ADAM11: variants seen among roughly 807,000 people sequenced by gnomAD.
ADAM11 encodes ADAM metallopeptidase domain 11.
Under a neutral mutation model 119.1 loss-of-function variants are expected in ADAM11, and 49 were observed. The ratio of observed to expected loss-of-function variants is 0.41; its 90% CI spans 0.33 to 0.52. The LOEUF (loss-of-function observed/expected upper bound fraction) is 0.52, where lower values mean the gene tolerates loss of function less well. Among genes scored for constraint, ADAM11 ranks in the 20% least tolerant of loss-of-function variants. The pLI, the probability that ADAM11 is intolerant of heterozygous loss-of-function variation, is 0.20. For missense variants in ADAM11, 777 were observed against 1,047.5 expected, an observed-to-expected ratio of 0.74 and a Z score of 3.56; for synonymous variants, 364 against 408.0, an observed-to-expected ratio of 0.89 and a Z score of 1.30.
chr17:44,762,855 A>T (rs760608761), intron 2 of ADAM11, among the ~76,000 whole-genome samples: 61 of 152,048 alleles, frequency 4.0e-4, no homozygotes, highest in Non-Finnish European at 3.1e-4. Context: ...AAGGAATTAG[A>T]AGCTGGAGAA....
intron 2 of ADAM11, among the ~76,000 whole-genome samples, chr17:44,766,447 G>C (rs1284822588): frequency 3.9e-5 from 6 of 152,198 alleles, no homozygotes; most frequent in Admixed American, 3.9e-4. Context: ...GGTACAGAGA[G>C]GACAAGGCAC....
chr17:44,778,713 A>AAAAAAAAAAAAAAAG lies in ADAM11; in HGVS notation c.2276+471_2276+472insAAAAAAAAAAAAAAG, dbSNP rs71136047. Among the ~76,000 whole-genome samples the AAAAAAAAAAAAAAAG allele has an allele frequency of 9.0e-3, 726 of 80,238 alleles. 93 individuals are homozygous for AAAAAAAAAAAAAAAG. The highest frequency in any genetic ancestry group is 0.011 in the Non-Finnish European group (519 of 45,424). The allele number at this position is 80,238 out of a possible 152,430, so 52.6% of individuals were successfully genotyped here. A position where few individuals can be genotyped will look rare whatever the true frequency, so the allele number is the denominator to read the frequency against. On this transcript the variant is annotated intron_variant, in intron 25 of 26. Transcript: ENST00000200557. ...CAAAAAAAAAAAAAAAAAAAAAAAAAGAAAGAAAGAGAGAAAGAAAAGAAA... is the reference window on the plus strand; with the variant it reads ...CAAAAAAAAAAAAAAAAAAAAAAAAAAAAAAAAAAAAAAAGGAAAGAAAGAGAGAAAGAAAAGAAA...
rs752441017 is a variant in ADAM11, at chr17:44,759,269, C to A, written c.61+9C>A. 1.4e-6 allele frequency: 2 copies of A among 1,391,380 alleles called. No homozygotes were observed. The highest frequency in any genetic ancestry group is 1.5e-5 in the South Asian group (1 of 65,456). The allele number at this position is 1,391,380 out of a possible 1,614,324, so 86.2% of individuals were successfully genotyped here. On this transcript the variant is annotated intron_variant, in intron 1 of 26. Coordinates refer to ENST00000200557, the MANE Select transcript of ADAM11 (RefSeq NM_002390.6). ...GCTGCTCCCCACGCCCGGTGAGTGA[C>A]CCCCGCCCGGCCCCGGCGCCCCCTC...
chr17:44,772,105 C>T lies in ADAM11; in HGVS notation c.544-162C>T, dbSNP rs1169646167. On this transcript the variant is annotated intron_variant, in intron 6 of 26. Transcript: ENST00000200557. This position sits in a 1 kb window ranked among gnomAD's most constrained non-coding sequence, Gnocchi z 4.5. Reference sequence around the variant, plus strand: ...CTCAGGGTGCCCCCAGGTCTTGACCCCGGAATCTGAGCATCTGGGAGATCA... The same window carrying T: ...CTCAGGGTGCCCCCAGGTCTTGACCTCGGAATCTGAGCATCTGGGAGATCA... 1.3e-5 allele frequency among the ~76,000 whole-genome samples: 2 copies of T among 152,168 alleles called. No homozygotes were observed. Among genetic ancestry groups the T allele is most frequent in the South Asian group, 2.1e-4 (1 of 4,834 alleles).
In ADAM11 at chr17:44,759,125, C is replaced by T; in HGVS notation, c.-75C>T. On this transcript the variant is annotated 5_prime_UTR_variant, in exon 1 of 27. Coordinates refer to ENST00000200557, the MANE Select transcript of ADAM11 (RefSeq NM_002390.6). ...CCCGGCTCCGCAGCTGGCGCCTCCCCACCCCCGTCCCTGCTCCCGCCCTCC... is the reference window on the plus strand; with the variant it reads ...CCCGGCTCCGCAGCTGGCGCCTCCCTACCCCCGTCCCTGCTCCCGCCCTCC... The T allele has an allele frequency of 1.1e-6, 1 of 889,120 alleles. No individual in the cohort carries two copies. Among genetic ancestry groups the T allele is most frequent in the Non-Finnish European group, 1.4e-6 (1 of 695,120 alleles). 55.1% of individuals were successfully genotyped at this position (889,120 alleles called of 1,614,324 possible). A position where few individuals can be genotyped will look rare whatever the true frequency, so the allele number is the denominator to read the frequency against.
rs765133185 is a variant in ADAM11 at position 44,773,747 on chromosome 17, C to A, written c.992+320C>A. 6.6e-6 allele frequency among the ~76,000 whole-genome samples: 1 copy of A among 152,202 alleles called. No individual in the cohort carries two copies. The highest frequency in any genetic ancestry group is 1.5e-5 in the Non-Finnish European group (1 of 68,040). ...TAGGGAAAAAAATCTAATAAAAGGG[C>A]CTTGCAACTAGAGATGGTCTACTGG... is the stretch of plus-strand genomic sequence containing the variant. On this transcript the variant is annotated intron_variant, in intron 11 of 26. Transcript: ENST00000200557. This position sits in a 1 kb window ranked among gnomAD's most constrained non-coding sequence, Gnocchi z 4.6.
intron 2 of ADAM11, among the ~76,000 whole-genome samples, chr17:44,765,988 A>C (rs1003089526): frequency 4.6e-5 from 7 of 152,164 alleles, no homozygotes; most frequent in Non-Finnish European, 1.0e-4. Context: ...CTTGCGATAC[A>C]TTTCCATTCA....
At chr17:44,765,346 A>G (rs1213966256) in intron 2 of ADAM11, among the ~76,000 whole-genome samples, 1 of 151,938 alleles carries the variant, frequency 6.6e-6, no homozygotes, top group East Asian at 1.9e-4. Flanking sequence ...GCGGGAGGGG[A>G]TTCCAGAAAG....
chr17:44,780,184 A>G lies in ADAM11; in HGVS notation c.*430A>G, dbSNP rs764210173. ...ACCTAGGGGGACGGGGCTGACATCT[A>G]CATTTTTTAAAACTGAATCTTAATC... On this transcript the variant is annotated 3_prime_UTR_variant, in exon 27 of 27. Coordinates refer to ENST00000200557, the MANE Select transcript of ADAM11 (RefSeq NM_002390.6). 4.0e-6 allele frequency: 2 copies of G among 498,376 alleles called. No individual in the cohort carries two copies. Among genetic ancestry groups the G allele is most frequent in the Non-Finnish European group, 7.7e-6 (2 of 259,884 alleles). 30.9% of individuals were successfully genotyped at this position (498,376 alleles called of 1,614,324 possible). A position where few individuals can be genotyped will look rare whatever the true frequency, so the allele number is the denominator to read the frequency against.
rs563815525 is a variant in ADAM11 at position 44,771,332 on chromosome 17, G to C, written c.382-252G>C. Among the ~76,000 whole-genome samples the C allele has an allele frequency of 9.8e-4, 148 of 150,564 alleles. 1 individual carries two copies. The highest frequency in any genetic ancestry group is 1.7e-3 in the Non-Finnish European group (113 of 67,822). On this transcript the variant is annotated intron_variant, in intron 4 of 26. Coordinates refer to ENST00000200557, the MANE Select transcript of ADAM11 (RefSeq NM_002390.6). Reference sequence around the variant, plus strand: ...AAAAAAAAACCATTGCTACAGTCCAGCTTCCTCATTTTATAGATGACGTGA... The same window carrying C: ...AAAAAAAAACCATTGCTACAGTCCACCTTCCTCATTTTATAGATGACGTGA...
In ADAM11 at chr17:44,759,259, C is replaced by T; in HGVS notation, c.60C>T (p.Pro20=). Residue 20 remains proline, a splice_region_variant and synonymous_variant, in exon 1 of 27, where the codon CCC becomes CCT. Coordinates refer to ENST00000200557, the MANE Select transcript of ADAM11 (RefSeq NM_002390.6). ...AALLLSLLPT[P]GLGTQGPAGA... ...TGCTGCTGTCGCTGCTCCCCACGCC[C>T]GGTGAGTGACCCCCGCCCGGCCCCG... 7.0e-7 allele frequency: 1 copy of T among 1,426,082 alleles called. No homozygotes were observed. The highest frequency in any genetic ancestry group is 9.2e-7 in the Non-Finnish European group (1 of 1,090,330). The allele number at this position is 1,426,082 out of a possible 1,614,324, so 88.3% of individuals were successfully genotyped here.
At chr17:44,761,860 T>C (rs2049393352) in intron 2 of ADAM11, among the ~76,000 whole-genome samples, 1 of 152,208 alleles carries the variant, frequency 6.6e-6, no homozygotes, top group African/African-American at 2.4e-5. Context: ...TTTGCTCTTG[T>C]TGCCCAGGCT....
chr17:44,765,240 TCTCCCAGCTGGGACATA>T (rs2049433420), intron 2 of ADAM11, among the ~76,000 whole-genome samples: 1 of 151,306 alleles, frequency 6.6e-6, no homozygotes. Flanking sequence ...GTGGGGGGTT[TCTCCCAGCTGGGACATA>T]CTCCCAGGTG....
chr17:44,769,849 G>C (rs932352902), intron 3 of ADAM11, 55 bp downstream of exon 3: 1 of 1,605,260 alleles, frequency 6.2e-7, no homozygotes, highest in African/African-American at 1.3e-5. Context: ...GGGGAGACAT[G>C]GCTAGGGCCT....
In ADAM11 at chr17:44,775,501, G is replaced by T. The variant is rs1236516009; in HGVS notation, c.1392+36G>T. On this transcript the variant is annotated intron_variant, in intron 16 of 26. Transcript: ENST00000200557. The surrounding 1 kb of genome is among the most constrained non-coding windows in gnomAD (Gnocchi z 7.5). ...GTGCGGGCGCCAGGTGGGGAACCGGGATGCGGGGGTGGGCACGAGGGAGCG... is the reference window on the plus strand; with the variant it reads ...GTGCGGGCGCCAGGTGGGGAACCGGTATGCGGGGGTGGGCACGAGGGAGCG... 6.3e-7 allele frequency: 1 copy of T among 1,591,810 alleles called. No homozygotes were observed. Among genetic ancestry groups the T allele is most frequent in the Non-Finnish European group, 8.5e-7 (1 of 1,172,560 alleles).
chr17:44,767,131 G>A (rs1460141267), intron 2 of ADAM11, among the ~76,000 whole-genome samples: 1 of 151,962 alleles, frequency 6.6e-6, no homozygotes, highest in Non-Finnish European at 1.5e-5. Context: ...TGCCAAGGGT[G>A]GATCACAAGG....
chr17:44,779,080 CTTACA>C, intron 25 of ADAM11, 137 bp from the exon 26 acceptor site: 1 of 1,066,126 alleles, frequency 9.4e-7, no homozygotes, highest in Non-Finnish European at 1.3e-6. Context: ...CTCCCTGGCC[CTTACA>C]TTAGTGTCCA....
At chr17:44,759,511 G>C (rs373300011) in intron 1 of ADAM11, 38 of 1,243,006 alleles carry the variant, frequency 3.1e-5, no homozygotes, top group African/African-American at 1.2e-4. Flanking sequence ...TGGGCGGATG[G>C]GGGGGCAGTC....
rs927290734 is a variant in ADAM11, at chr17:44,773,553, G to A, written c.992+126G>A. 6.8e-6 allele frequency: 8 copies of A among 1,172,460 alleles called. No homozygotes were observed. Among genetic ancestry groups the A allele is most frequent in the Non-Finnish European group, 8.2e-6 (7 of 852,430 alleles). 72.6% of individuals were successfully genotyped at this position (1,172,460 alleles called of 1,614,324 possible). On this transcript the variant is annotated intron_variant, in intron 11 of 26. Coordinates refer to ENST00000200557, the MANE Select transcript of ADAM11 (RefSeq NM_002390.6). The surrounding 1 kb of genome is among the most constrained non-coding windows in gnomAD (Gnocchi z 4.6). ...TGGGGACTGGGCTCACCTTGCACCT[G>A]CCACCTACCCCCAGCCACATGCAAC...
Sources: allele counts gnomAD v4.1 joint callset (sites outside exome capture counted in the v4.1 genomes callset), GRCh38; gene constraint gnomAD v4.1.1; non-coding constraint Gnocchi (gnomAD v3.1); transcripts MANE v1.5; gene names NCBI Gene and HGNC (gene_info 2026-07-23, HGNC 2026-07-21).